Variants in SRGAP2 observed in about 807,000 individuals in gnomAD.
The protein encoded by SRGAP2 is SLIT-ROBO Rho GTPase-activating protein 2.
Under a neutral mutation model 57.2 loss-of-function variants are expected in SRGAP2, and 15 were observed. The ratio of observed to expected loss-of-function variants is 0.26; its 90% CI spans 0.18 to 0.40. The LOEUF is 0.40. SRGAP2 is among the 10% of genes least tolerant of loss of function. The pLI is 1.00. For missense variants in SRGAP2, 520 were observed against 669.6 expected (o/e 0.78, Z 2.47); for synonymous variants, 249 against 248.0 (o/e 1.00, Z -0.04).
intron 2 of SRGAP2, among the ~76,000 whole-genome samples, chr1:206,275,636 G>A (rs1670364834): frequency 7.0e-6 from 1 of 142,422 alleles, no homozygotes; most frequent in Non-Finnish European, 1.5e-5. Context: ...TTTTTTTTGA[G>A]ACAGAGTCTC....
At chr1:206,436,861 T>C (rs888966790) in intron 14 of SRGAP2, 104 bp from the exon 15 acceptor site, 228 of 754,030 alleles carry the variant, frequency 3.0e-4, no homozygotes, top group Admixed American at 1.4e-3. Context: ...GACAGCGTGC[T>C]TAAATACATG....
intron 2 of SRGAP2, among the ~76,000 whole-genome samples, chr1:206,249,782 A>G (rs1439804622): frequency 6.6e-6 from 1 of 151,666 alleles, no homozygotes; most frequent in Non-Finnish European, 1.5e-5. Context: ...CCTTATCAAG[A>G]CCCTCTAGGC....
intron 2 of SRGAP2, among the ~76,000 whole-genome samples, chr1:206,292,317 G>A (rs1205820403): frequency 6.6e-6 from 1 of 152,166 alleles, no homozygotes; most frequent in African/African-American, 2.4e-5. Context: ...GTCACTCCAA[G>A]TCTCATGCTT....
intron 2 of SRGAP2, among the ~76,000 whole-genome samples, chr1:206,209,691 G>A (rs868968317): frequency 1.3e-5 from 2 of 151,056 alleles, no homozygotes; most frequent in South Asian, 4.2e-4. Flanking sequence ...GTAGTTGTCC[G>A]TCAGTATCCT....
chr1:206,393,639 A>T lies in SRGAP2; in HGVS notation c.797A>T (p.Lys266Met). The change falls in exon 7 of 23, where the codon AAG becomes ATG. Residue 266 changes from lysine (K) to methionine (M), a missense_variant. Lys to Met is a moderately conservative substitution (Grantham distance 95). Around this residue, in one of 5 missense-constraint regions of SRGAP2, gnomAD observed 12 missense variants for 21.3 expected, o/e 0.56. Coordinates refer to ENST00000573034, the MANE Select transcript of SRGAP2 (RefSeq NM_015326.5). ...GAGGCAACCAATGCATCTGTCTTCAAGTACTACATCCATGACCTATCTGAC... is the reference window on the plus strand; with the variant it reads ...GAGGCAACCAATGCATCTGTCTTCATGTACTACATCCATGACCTATCTGAC... The part of the protein sequence containing the change: ...ALEATNASVF[K>M]YYIHDLSDLI... 1.3e-6 allele frequency: 1 copy of T among 745,426 alleles called. No homozygotes were observed. Among genetic ancestry groups the T allele is most frequent in the East Asian group, 2.5e-5 (1 of 39,916 alleles). 46.2% of individuals were successfully genotyped at this position (745,426 alleles called of 1,614,324 possible).
chr1:206,321,611 AG>A (rs1553327625), intron 3 of SRGAP2, among the ~76,000 whole-genome samples: 1 of 111,556 alleles, frequency 9.0e-6, no homozygotes, highest in Non-Finnish European at 1.8e-5. Context: ...TTCTACTGTA[AG>A]GAAGAGCTTT....
In SRGAP2 at chr1:206,256,784, C is replaced by A. The variant is rs1445343599; in HGVS notation, c.68-46497C>A. Reference sequence around the variant, plus strand: ...TTAGATTCAGAGTTATAAGCATAGCCCTCACCCAAGTTGCTTCCAAAGAAA... The same window carrying A: ...TTAGATTCAGAGTTATAAGCATAGCACTCACCCAAGTTGCTTCCAAAGAAA... On this transcript the variant is annotated intron_variant, in intron 2 of 22. Transcript: ENST00000573034. Among the ~76,000 whole-genome samples the A allele has an allele frequency of 7.2e-5, 11 of 152,216 alleles. No individual in the cohort carries two copies. In the East Asian group the frequency reaches 2.1e-3, roughly 29 times the overall value.
chr1:206,361,630 G>T (rs1426605916), intron 4 of SRGAP2, among the ~76,000 whole-genome samples: 1 of 147,662 alleles, frequency 6.8e-6, no homozygotes, highest in African/African-American at 2.5e-5. Context: ...CTAAATGCAG[G>T]ACGTGTTGAC....
intron 3 of SRGAP2, among the ~76,000 whole-genome samples, chr1:206,342,395 G>A (rs1411479628): frequency 2.6e-5 from 4 of 151,600 alleles, no homozygotes; most frequent in Non-Finnish European, 5.9e-5. Flanking sequence ...ATGCAGAACT[G>A]TTGTTCTAGT....
chr1:206,214,789 T>A, intron 2 of SRGAP2: 1 of 132,124 alleles, frequency 7.6e-6, no homozygotes, highest in African/African-American at 2.9e-5. Flanking sequence ...TGAAACTCCA[T>A]CTCAAAAAAA....
chr1:206,331,807 C>T (rs1208350501), intron 3 of SRGAP2, among the ~76,000 whole-genome samples: 1 of 105,300 alleles, frequency 9.5e-6, no homozygotes, highest in Non-Finnish European at 1.8e-5. Context: ...AGTCCATTTA[C>T]ATTTAAAGTT....
chr1:206,417,257 C>G (rs1659808555), intron 11 of SRGAP2, among the ~76,000 whole-genome samples: 1 of 151,880 alleles, frequency 6.6e-6, no homozygotes, highest in African/African-American at 2.4e-5. Context: ...GCACGTGCCA[C>G]CACGCCTGGG....
intron 18 of SRGAP2, among the ~76,000 whole-genome samples, chr1:206,449,671 A>G (rs530431173): frequency 1.3e-4 from 20 of 152,146 alleles, no homozygotes; most frequent in Middle Eastern, 6.8e-3. Context: ...CCTGCCCTGT[A>G]GCCCATAGCA....
chr1:206,389,584 CACTCTAGTTTTGGTTTAGG>C (rs1656716394), intron 5 of SRGAP2, among the ~76,000 whole-genome samples: 1 of 152,148 alleles, frequency 6.6e-6, no homozygotes. Context: ...CTTCCTGGCT[CACTCTAGTTTTGGTTTAGG>C]ACTCAAGTAG....
chr1:206,204,878 G>T (rs556106532), intron 1 of SRGAP2: 5 of 129,818 alleles, frequency 3.9e-5, no homozygotes, highest in East Asian at 4.3e-4. Context: ...GATGTGTCCC[G>T]TGCCGAGCAG....
chr1:206,425,185 A>T (rs1311692415), intron 13 of SRGAP2, among the ~76,000 whole-genome samples: 1 of 152,240 alleles, frequency 6.6e-6, no homozygotes, highest in East Asian at 1.9e-4. Flanking sequence ...CAACAAAACT[A>T]TGCAAACGCT....
rs782085538 is a variant in SRGAP2 at position 206,461,702 on chromosome 1, T to G, written c.*282T>G. On this transcript the variant is annotated 3_prime_UTR_variant, in exon 23 of 23. Coordinates refer to ENST00000573034, the MANE Select transcript of SRGAP2 (RefSeq NM_015326.5). ...ACAGGTTTTCATTATCAGGTCACTGTGAAATCTGGTAAGGCAGTCCTGAGG... is the reference window on the plus strand; with the variant it reads ...ACAGGTTTTCATTATCAGGTCACTGGGAAATCTGGTAAGGCAGTCCTGAGG... 1.9e-5 allele frequency: 7 copies of G among 367,646 alleles called. No individual in the cohort carries two copies. The highest frequency in any genetic ancestry group is 4.8e-5 in the South Asian group (1 of 20,892). The allele number at this position is 367,646 out of a possible 1,614,324, so 22.8% of individuals were successfully genotyped here.
intron 3 of SRGAP2, among the ~76,000 whole-genome samples, chr1:206,324,434 A>T (rs1310061207): frequency 4.6e-5 from 7 of 152,146 alleles, no homozygotes; most frequent in Non-Finnish European, 1.0e-4. Flanking sequence ...AGGACTAGGG[A>T]CCTTATGTCC....
intron 21 of SRGAP2, among the ~76,000 whole-genome samples, chr1:206,457,710 C>T (rs1245660123): frequency 6.6e-6 from 1 of 152,218 alleles, no homozygotes; most frequent in East Asian, 1.9e-4. Flanking sequence ...GCTTAGAGCA[C>T]TGTCCCCACC....
Sources: allele counts gnomAD v4.1 joint callset (sites outside exome capture counted in the v4.1 genomes callset), GRCh38; gene constraint gnomAD v4.1.1; regional missense constraint gnomAD v4.1.1; transcripts MANE v1.5; gene names NCBI Gene and HGNC (gene_info 2026-07-23, HGNC 2026-07-21).